Variants in DOCK4 observed in about 807,000 individuals in gnomAD.
The protein encoded by DOCK4 is dedicator of cytokinesis 4, also known as dedicator of cytokinesis protein 4.
DOCK4 carries 97 observed loss-of-function variants against 268.1 expected under a neutral mutation model. The observed-to-expected ratio is 0.36, with a 90% CI of 0.31 to 0.43. The LOEUF (loss-of-function observed/expected upper bound fraction) is 0.43, where lower values mean the gene tolerates loss of function less well. Ranked by LOEUF, DOCK4 falls within the 20% of genes least tolerant of loss-of-function variation. DOCK4 has a pLI of 1.00. For missense variants in DOCK4, 2,145 were observed against 2,455.7 expected, an observed-to-expected ratio of 0.87 and a Z score of 2.67; for synonymous variants, 954 against 887.2, an observed-to-expected ratio of 1.08 and a Z score of -1.34.
chr7:111,898,048 T>C (rs1808909942), intron 15 of DOCK4, among the ~76,000 whole-genome samples: 1 of 152,226 alleles, frequency 6.6e-6, no homozygotes, highest in Non-Finnish European at 1.5e-5. Context: ...ATGGTCTTTC[T>C]GTTCCCAACC....
intron 12 of DOCK4, among the ~76,000 whole-genome samples, chr7:111,921,493 C>G (rs191481171): frequency 6.8e-4 from 104 of 152,288 alleles, no homozygotes; most frequent in Middle Eastern, 6.8e-3. Context: ...ATACATCAGC[C>G]ATTTTGCCAC....
At chr7:112,198,271 CAAG>C (rs1820635587) in intron 1 of DOCK4, among the ~76,000 whole-genome samples, 1 of 152,054 alleles carries the variant, frequency 6.6e-6, no homozygotes, top group Non-Finnish European at 1.5e-5. Context: ...GAAGATACAG[CAAG>C]AAGATGTCCA....
chr7:112,169,215 C>T (rs1817866569), intron 1 of DOCK4, among the ~76,000 whole-genome samples: 1 of 152,196 alleles, frequency 6.6e-6, no homozygotes, highest in African/African-American at 2.4e-5. Context: ...TGACTGAAAG[C>T]TTCCTGAGGT....
intron 1 of DOCK4, among the ~76,000 whole-genome samples, chr7:112,127,945 C>T (rs1813392587): frequency 6.6e-6 from 1 of 152,176 alleles, no homozygotes. Flanking sequence ...AGGAGAATTG[C>T]TTGAACCCGG....
intron 8 of DOCK4, among the ~76,000 whole-genome samples, chr7:111,962,310 A>T (rs966826937): frequency 6.6e-6 from 1 of 152,214 alleles, no homozygotes; most frequent in African/African-American, 2.4e-5. Context: ...GGTTTTTAAA[A>T]ATAATCATTC....
At chr7:111,824,898 G>C (rs1245419185) in intron 26 of DOCK4, among the ~76,000 whole-genome samples, 1 of 152,076 alleles carries the variant, frequency 6.6e-6, no homozygotes, top group Non-Finnish European at 1.5e-5. Context: ...GTCTCAAGTA[G>C]TTTTCTACAG....
intron 39 of DOCK4, among the ~76,000 whole-genome samples, chr7:111,764,673 C>T (rs1481122988): frequency 3.3e-5 from 5 of 152,022 alleles, no homozygotes; most frequent in African/African-American, 9.7e-5. Flanking sequence ...TGCTGGGTGA[C>T]ATTTATCTTT....
chr7:111,829,250 C>T (rs1312117643), intron 26 of DOCK4, among the ~76,000 whole-genome samples: 1 of 152,128 alleles, frequency 6.6e-6, no homozygotes, highest in Non-Finnish European at 1.5e-5. Flanking sequence ...CTGACAATTA[C>T]AATTTTATAT....
intron 1 of DOCK4, among the ~76,000 whole-genome samples, chr7:112,095,893 C>A (rs1209498929): frequency 6.6e-6 from 1 of 152,050 alleles, no homozygotes; most frequent in Non-Finnish European, 1.5e-5. Context: ...ACTAGCCTGA[C>A]CAACAAGGAG....
chr7:112,150,084 T>C (rs1370078686), intron 1 of DOCK4, among the ~76,000 whole-genome samples: 9 of 152,160 alleles, frequency 5.9e-5, no homozygotes, highest in African/African-American at 1.7e-4. Context: ...CTTAGAGAAG[T>C]AATGTTCCTA....
rs1174523261 is a variant in DOCK4 at position 111,933,279 on chromosome 7, C to CATAT, written c.1066+2257_1066+2260dup. Among the ~76,000 whole-genome samples the CATAT allele has an allele frequency of 4.4e-4, 40 of 91,216 alleles. 2 individuals carry two copies. The South Asian group carries it at 4.4e-3, about 10-fold the overall frequency. The allele number at this position is 91,216 out of a possible 152,430, so 59.8% of individuals were successfully genotyped here. A position where few individuals can be genotyped will look rare whatever the true frequency, so the allele number is the denominator to read the frequency against. ...ATACTTATATATATATACATATATACATATATATATATATATATATTTTTT... is the reference window on the plus strand; with the variant it reads ...ATACTTATATATATATACATATATACATATATATATATATATATATATATTTTTT... On this transcript the variant is annotated intron_variant, in intron 12 of 52. Coordinates refer to ENST00000428084, the MANE Select transcript of DOCK4 (RefSeq NM_001363540.2).
chr7:112,075,324 T>C (rs1421462342), intron 1 of DOCK4, among the ~76,000 whole-genome samples: 2 of 152,140 alleles, frequency 1.3e-5, no homozygotes, highest in African/African-American at 2.4e-5. Flanking sequence ...TTGCTGGTGC[T>C]AAGAAATGTT....
At chr7:111,855,153 G>A (rs894275243) in intron 23 of DOCK4, among the ~76,000 whole-genome samples, 3 of 152,216 alleles carry the variant, frequency 2.0e-5, no homozygotes, top group African/African-American at 4.8e-5. Context: ...ATTCTGGAGA[G>A]TGCCCCCCAA....
intron 1 of DOCK4, among the ~76,000 whole-genome samples, chr7:112,031,583 T>G (rs2135459604): frequency 6.6e-6 from 1 of 152,268 alleles, no homozygotes; most frequent in Admixed American, 6.5e-5. Flanking sequence ...TTTAATCAAG[T>G]TCCAGCCTCT....
At chr7:112,174,854 GT>G (rs968858029) in intron 1 of DOCK4, among the ~76,000 whole-genome samples, 4 of 150,906 alleles carry the variant, frequency 2.7e-5, no homozygotes, top group Admixed American at 6.6e-5. Context: ...TAAAAAGTGG[GT>G]TTTTTGGTTT....
chr7:111,855,631 T>C (rs1563597094), intron 23 of DOCK4, among the ~76,000 whole-genome samples: 1 of 152,126 alleles, frequency 6.6e-6, no homozygotes, highest in Non-Finnish European at 1.5e-5. Flanking sequence ...AGCACATGGA[T>C]GGCACTAACT....
At chr7:111,742,667 T>C (rs950061070) in intron 44 of DOCK4, among the ~76,000 whole-genome samples, 1 of 152,238 alleles carries the variant, frequency 6.6e-6, no homozygotes, top group East Asian at 1.9e-4. Context: ...AGGAATTCTA[T>C]GACAGTTTCC....
intron 42 of DOCK4, among the ~76,000 whole-genome samples, chr7:111,748,753 G>C (rs1796442858): frequency 6.6e-6 from 1 of 151,990 alleles, no homozygotes; most frequent in African/African-American, 2.4e-5. Context: ...AGGCATATAA[G>C]GAAAAGTGGG....
At chr7:111,743,065 A>G (rs1040650424) in intron 44 of DOCK4, among the ~76,000 whole-genome samples, 6 of 152,158 alleles carry the variant, frequency 3.9e-5, no homozygotes, top group Admixed American at 3.9e-4. Flanking sequence ...ATTCAACGAG[A>G]GAGCAGGTCC....
Sources: gnomAD v4.1 joint callset for allele counts (sites outside exome capture counted in the v4.1 genomes callset) on GRCh38, gnomAD v4.1.1 for gene constraint, MANE v1.5 for transcripts, NCBI Gene and HGNC (gene_info 2026-07-23, HGNC 2026-07-21) for gene names.